Variants in TXNRD3 observed in about 807,000 individuals in gnomAD.
The protein encoded by TXNRD3 is thioredoxin reductase 3.
In TXNRD3, 68 loss-of-function variants were observed where a neutral mutation model predicts 78.2. The ratio of observed to expected loss-of-function variants is 0.87; its 90% CI spans 0.72 to 1.06. The LOEUF (loss-of-function observed/expected upper bound fraction) is 1.06, where lower values mean the gene tolerates loss of function less well. TXNRD3 is among the 50% of genes least tolerant of loss of function. TXNRD3 has a pLI of 0.00. For missense variants in TXNRD3, 751 were observed against 809.5 expected, an observed-to-expected ratio of 0.93 and a Z score of 0.88; for synonymous variants, 296 against 300.1, an observed-to-expected ratio of 0.99 and a Z score of 0.14.
chr3:126,641,970 C>G (rs993288403), intron 6 of TXNRD3, 62 bp downstream of exon 6: 1 of 1,437,998 alleles, frequency 7.0e-7, no homozygotes, highest in South Asian at 1.4e-5. Flanking sequence ...AATACCAAGT[C>G]TTTATCTAAA....
At chr3:126,631,138 AC>A (rs1427366458) in intron 8 of TXNRD3, among the ~76,000 whole-genome samples, 1 of 152,106 alleles carries the variant, frequency 6.6e-6, no homozygotes, top group Non-Finnish European at 1.5e-5. Context: ...TCTAAATCAG[AC>A]CACAAGCAAG....
At chr3:126,627,796 A>G (rs1292564264) in intron 10 of TXNRD3, among the ~76,000 whole-genome samples, 1 of 152,216 alleles carries the variant, frequency 6.6e-6, no homozygotes, top group Non-Finnish European at 1.5e-5. Flanking sequence ...ACATACAAGG[A>G]ACCAATTCTA....
chr3:126,627,653 T>G (rs1351554604), intron 10 of TXNRD3, among the ~76,000 whole-genome samples: 1 of 152,138 alleles, frequency 6.6e-6, no homozygotes, highest in Non-Finnish European at 1.5e-5. Context: ...AAAATATAAC[T>G]AATCAAAAGT....
chr3:126,651,857 A>C (rs1052126695), intron 1 of TXNRD3, among the ~76,000 whole-genome samples: 5 of 152,214 alleles, frequency 3.3e-5, no homozygotes, highest in Admixed American at 3.3e-4. Flanking sequence ...AGGTATGAAA[A>C]GCATACTATT....
At chr3:126,613,140 T>C (rs759288211) in intron 13 of TXNRD3, among the ~76,000 whole-genome samples, 3 of 152,258 alleles carry the variant, frequency 2.0e-5, no homozygotes, top group Admixed American at 6.5e-5. Context: ...CAGTGATCTC[T>C]GACCCCACCC....
chr3:126,618,186 A>G (rs1938359530), intron 12 of TXNRD3, among the ~76,000 whole-genome samples: 1 of 152,180 alleles, frequency 6.6e-6, no homozygotes, highest in African/African-American at 2.4e-5. Flanking sequence ...CTATCAAAAT[A>G]CCAATCACAT....
intron 14 of TXNRD3, 134 bp from the exon 15 acceptor site, chr3:126,608,767 A>G (rs1576277475): frequency 9.7e-7 from 1 of 1,030,900 alleles, no homozygotes; most frequent in South Asian, 2.1e-5. Context: ...AAGTGAGCAG[A>G]GAACATTACC....
intron 14 of TXNRD3, among the ~76,000 whole-genome samples, chr3:126,610,424 G>A (rs1483913897): frequency 6.6e-6 from 1 of 152,132 alleles, no homozygotes; most frequent in African/African-American, 2.4e-5. Flanking sequence ...CTACGCTACT[G>A]AGGAAGGCTA....
intron 1 of TXNRD3, among the ~76,000 whole-genome samples, chr3:126,650,931 A>G (rs1217897104): frequency 6.6e-6 from 1 of 152,114 alleles, no homozygotes. Flanking sequence ...ACTTCTTTCT[A>G]CACAAACAAG....
chr3:126,639,753 T>A (rs1397155390), intron 6 of TXNRD3, among the ~76,000 whole-genome samples: 1 of 152,172 alleles, frequency 6.6e-6, no homozygotes, highest in South Asian at 2.1e-4. Flanking sequence ...CTATTTTTTG[T>A]AGAGTAATTT....
rs1194445075 is a variant in TXNRD3 at position 126,607,394 on chromosome 3, A to T, written c.*511T>A. 1 of 152,316 alleles carries T rather than the reference A, an allele frequency of 6.6e-6. No homozygotes were observed. Among genetic ancestry groups the T allele is most frequent in the Non-Finnish European group, 1.5e-5 (1 of 68,078 alleles). 9.4% of individuals were successfully genotyped at this position (152,316 alleles called of 1,614,324 possible). On this transcript the variant is annotated 3_prime_UTR_variant, in exon 16 of 16. Coordinates refer to ENST00000524230, the MANE Select transcript of TXNRD3 (RefSeq NM_052883.3). The stretch of plus-strand genomic sequence containing the variant: ...AGTGTGTACAGCTTCCTGCTAATGC[A>T]GACAGCTATCCAAATGCAGCCCACA...
intron 12 of TXNRD3, among the ~76,000 whole-genome samples, chr3:126,618,943 T>C (rs1938380293): frequency 6.7e-6 from 1 of 148,932 alleles, no homozygotes; most frequent in Non-Finnish European, 1.5e-5. Context: ...GACATACACA[T>C]GGGCAACAAG....
At chr3:126,634,330 G>A (rs1056042313) in intron 6 of TXNRD3, among the ~76,000 whole-genome samples, 2 of 152,260 alleles carry the variant, frequency 1.3e-5, no homozygotes, top group African/African-American at 2.4e-5. Flanking sequence ...CGCCTGCCAC[G>A]ACGTAAGGCA....
chr3:126,622,549 G>T lies in TXNRD3; in HGVS notation c.1291-9C>A. On this transcript the variant is annotated splice_polypyrimidine_tract_variant and intron_variant, in intron 10 of 15. Coordinates refer to ENST00000524230, the MANE Select transcript of TXNRD3 (RefSeq NM_052883.3). ...CCAATAGCTAACAAAACCTGCATTT[G>T]CAGAGAAATCAAAAACACAAATTAT... 3.3e-6 allele frequency: 5 copies of T among 1,530,728 alleles called. No individual in the cohort carries two copies. The highest frequency in any genetic ancestry group is 4.4e-6 in the Non-Finnish European group (5 of 1,144,868). The allele number at this position is 1,530,728 out of a possible 1,614,324, so 94.8% of individuals were successfully genotyped here.
At chr3:126,641,849 G>A (rs967816665) in intron 6 of TXNRD3, among the ~76,000 whole-genome samples, 183 bp downstream of exon 6, 1 of 152,308 alleles carries the variant, frequency 6.6e-6, no homozygotes, top group African/African-American at 2.4e-5. Flanking sequence ...TCTCTAGGTG[G>A]TGAGGCCCAC....
At chr3:126,609,510 GT>G (rs1256999558) in intron 14 of TXNRD3, among the ~76,000 whole-genome samples, 1 of 152,188 alleles carries the variant, frequency 6.6e-6, no homozygotes, top group Non-Finnish European at 1.5e-5. Context: ...CAGAAAAGGG[GT>G]GTAAATGAAG....
rs1227393018 is a variant in TXNRD3, at chr3:126,654,950, G to A, written c.41C>T (p.Ala14Val). 1.5e-6 allele frequency: 2 copies of A among 1,295,856 alleles called. No homozygotes were observed. The highest frequency in any genetic ancestry group is 9.7e-7 in the Non-Finnish European group (1 of 1,027,376). The allele number at this position is 1,295,856 out of a possible 1,614,324, so 80.3% of individuals were successfully genotyped here. Reference sequence around the variant, plus strand: ...CGAGCGGCGGTTGGGGGCATCGCCCGCCTTTCCCGGCCCGGGCGACTGCGG... The same window carrying A: ...CGAGCGGCGGTTGGGGGCATCGCCCACCTTTCCCGGCCCGGGCGACTGCGG... The change falls in exon 1 of 16, where the codon GCG becomes GTG. Residue 14 changes from alanine (A) to valine (V), a missense_variant. By Grantham distance (64) the Ala-to-Val change is moderately conservative. Coordinates refer to ENST00000524230, the MANE Select transcript of TXNRD3 (RefSeq NM_052883.3).
At chr3:126,616,666 T>C (rs531972320) in intron 12 of TXNRD3, among the ~76,000 whole-genome samples, 1 of 152,274 alleles carries the variant, frequency 6.6e-6, no homozygotes, top group African/African-American at 2.4e-5. Context: ...GTTCTTTTTT[T>C]AGGTTCCTCT....
intron 12 of TXNRD3, among the ~76,000 whole-genome samples, chr3:126,618,927 TCATAAGACATACA>T (rs1415039804): frequency 6.7e-6 from 1 of 149,858 alleles, no homozygotes; most frequent in Non-Finnish European, 1.5e-5. Context: ...CAGATGTTTC[TCATAAGACATACA>T]CATGGGCAAC....
Sources: gnomAD v4.1 joint callset for allele counts (sites outside exome capture counted in the v4.1 genomes callset) on GRCh38, gnomAD v4.1.1 for gene constraint, MANE v1.5 for transcripts, NCBI Gene and HGNC (gene_info 2026-07-23, HGNC 2026-07-21) for gene names.